SPHKAP: variants seen among roughly 807,000 people sequenced by gnomAD.
SPHKAP encodes A-kinase anchor protein SPHKAP.
SPHKAP carries 67 observed loss-of-function variants against 137.5 expected under a neutral mutation model. The observed-to-expected ratio is 0.49, with a 90% CI of 0.40 to 0.60. The LOEUF is 0.60. Ranked by LOEUF, SPHKAP falls within the 20% of genes least tolerant of loss-of-function variation. The pLI, the probability that SPHKAP is intolerant of heterozygous loss-of-function variation, is 0.00. For synonymous variants in SPHKAP, 813 were observed against 785.3 expected (o/e 1.04, Z -0.59); for missense variants, 2,097 against 2,069.3 (o/e 1.01, Z -0.26).
chr2:228,152,719 C>CT (rs36033637), intron 1 of SPHKAP, among the ~76,000 whole-genome samples: 46,417 of 144,606 alleles, frequency 0.32, 7,670 homozygotes, highest in East Asian at 0.5. Flanking sequence ...GTTATACCTT[C>CT]TTTTTTTTTT....
chr2:228,031,503 A>G (rs553337033), intron 3 of SPHKAP, among the ~76,000 whole-genome samples: 2 of 152,346 alleles, frequency 1.3e-5, no homozygotes, highest in East Asian at 3.9e-4. Context: ...CCTGTCTGAC[A>G]GCTTTGAAGA....
intron 3 of SPHKAP, among the ~76,000 whole-genome samples, chr2:228,030,682 CA>C (rs1216882958): frequency 2.0e-5 from 3 of 150,956 alleles, no homozygotes; most frequent in Non-Finnish European, 2.9e-5. Flanking sequence ...TAAAAACTGC[CA>C]GGAATATGAT....
intron 3 of SPHKAP, among the ~76,000 whole-genome samples, chr2:228,054,429 A>G (rs753201917): frequency 6.6e-6 from 1 of 152,160 alleles, no homozygotes; most frequent in African/African-American, 2.4e-5. Flanking sequence ...GCCAGGAGAA[A>G]GTGTAGAATG....
chr2:228,058,286 G>A (rs1696515064), intron 3 of SPHKAP, among the ~76,000 whole-genome samples: 1 of 152,100 alleles, frequency 6.6e-6, no homozygotes, highest in Non-Finnish European at 1.5e-5. Context: ...CATGCTAAAC[G>A]CTCATATGTA....
intron 3 of SPHKAP, among the ~76,000 whole-genome samples, chr2:228,030,513 C>CAAAAAAAAAAAAAAAAAAAACAAAAAAA (rs11287311): frequency 4.1e-5 from 2 of 48,774 alleles, no homozygotes; most frequent in South Asian, 7.2e-4. Context: ...GATACCATCT[C>CAAAAAAAAAAAAAAAAAAAACAAAAAAA]AAAAAAAAAA....
intron 1 of SPHKAP, chr2:228,169,946 C>T (rs916146641): frequency 1.3e-5 from 2 of 151,784 alleles, no homozygotes; most frequent in African/African-American, 4.8e-5. Flanking sequence ...GGAAATAATT[C>T]AGCATTCTAG....
chr2:227,991,082 G>A lies in SPHKAP; in HGVS notation c.4877C>T (p.Ala1626Val), dbSNP rs995852907. 1 of 1,614,116 alleles carries A rather than the reference G, an allele frequency of 6.2e-7. No homozygotes were observed. The highest frequency in any genetic ancestry group is 8.5e-7 in the Non-Finnish European group (1 of 1,180,012). The change falls in exon 11 of 12, where the codon GCC (alanine) becomes GTC (valine). Residue 1626 changes from alanine (A) to valine (V), a missense_variant. Ala to Val is a moderately conservative substitution (Grantham distance 64, BLOSUM62 0). Coordinates refer to ENST00000392056, the MANE Select transcript of SPHKAP (RefSeq NM_001142644.2). ...AGAGGCAGCTATCCACTGCAGAGTGGCTCGGAGCTCGGCATCTGGACACTC... is the reference window on the plus strand; with the variant it reads ...AGAGGCAGCTATCCACTGCAGAGTGACTCGGAGCTCGGCATCTGGACACTC... ...EPECPDAELR[A>V]TLQWIAASEL...
chr2:228,042,407 C>T (rs1478532861), intron 3 of SPHKAP, among the ~76,000 whole-genome samples: 2 of 152,056 alleles, frequency 1.3e-5, no homozygotes, highest in Non-Finnish European at 2.9e-5. Context: ...AATTTACATA[C>T]CATATGACGT....
chr2:227,998,110 A>C (rs1411247403), intron 7 of SPHKAP, among the ~76,000 whole-genome samples: 1 of 152,152 alleles, frequency 6.6e-6, no homozygotes, highest in Non-Finnish European at 1.5e-5. Flanking sequence ...AGATATAAGC[A>C]ACTCCCCTGC....
At chr2:228,030,528 A>C (rs1292846936) in intron 3 of SPHKAP, among the ~76,000 whole-genome samples, 70 of 71,204 alleles carry the variant, frequency 9.8e-4, no homozygotes, top group Non-Finnish European at 1.4e-3. Context: ...AAAAAAAAAA[A>C]AAAACAACAA....
At chr2:228,084,928 T>G (rs960985568) in intron 3 of SPHKAP, among the ~76,000 whole-genome samples, 2 of 152,224 alleles carry the variant, frequency 1.3e-5, no homozygotes, top group African/African-American at 4.8e-5. Context: ...GAATTTCCTT[T>G]GCTGTTACTG....
At position 228,017,461 on chromosome 2, in the gene SPHKAP, C is replaced by G; in HGVS notation, c.3393G>C (p.Arg1131Ser). ...CATTTTCCATCTGGTTCACCATGAA[C>G]CTGGAAAACTCATCGGTGATGCTCT... ...SCESITDEFS[R>S]FMVNQMENEG... is the part of the protein sequence containing the mutation. The change falls in exon 7 of 12, where the codon AGG (arginine) becomes AGC (serine). Residue 1131 changes from arginine to serine, a missense_variant. Transcript: ENST00000392056. The G allele has an allele frequency of 6.2e-7, 1 of 1,613,890 alleles. No homozygotes were observed. Among genetic ancestry groups the G allele is most frequent in the South Asian group, 1.1e-5 (1 of 91,072 alleles).
chr2:228,146,249 T>C (rs1199513879), intron 1 of SPHKAP, among the ~76,000 whole-genome samples: 1 of 152,148 alleles, frequency 6.6e-6, no homozygotes, highest in Admixed American at 6.6e-5. Flanking sequence ...TGAACACCCA[T>C]TGACACATCG....
chr2:227,990,894 A>G (rs1391411210), intron 11 of SPHKAP, 106 bp downstream of exon 11: 7 of 1,136,390 alleles, frequency 6.2e-6, no homozygotes, highest in Non-Finnish European at 8.8e-6. Context: ...AAGAACAGTC[A>G]GGATCAAATA....
intron 1 of SPHKAP, among the ~76,000 whole-genome samples, chr2:228,172,798 C>T (rs954678493): frequency 6.6e-6 from 1 of 152,196 alleles, no homozygotes; most frequent in Admixed American, 6.5e-5. Flanking sequence ...AACCTGAAAT[C>T]TGTTAGTCAC....
chr2:228,001,544 T>C (rs997717238), intron 7 of SPHKAP, among the ~76,000 whole-genome samples: 2 of 145,378 alleles, frequency 1.4e-5, no homozygotes, highest in African/African-American at 5.0e-5. Context: ...TATAAAAATA[T>C]ACATATATAT....
intron 1 of SPHKAP, chr2:228,132,475 T>A (rs1699284098): frequency 1.4e-6 from 1 of 694,792 alleles, no homozygotes; most frequent in Admixed American, 6.3e-5. Flanking sequence ...ATTCATTTTA[T>A]TTTTTAAAAT....
At chr2:228,030,513 C>CAAAAAAAAAAAAAAAAAAAAAACA (rs11287311) in intron 3 of SPHKAP, among the ~76,000 whole-genome samples, 2 of 48,776 alleles carry the variant, frequency 4.1e-5, no homozygotes, top group Admixed American at 2.6e-4. Context: ...GATACCATCT[C>CAAAAAAAAAAAAAAAAAAAAAACA]AAAAAAAAAA....
At chr2:228,016,079 T>C (rs1694576095) in intron 7 of SPHKAP, among the ~76,000 whole-genome samples, 1 of 152,178 alleles carries the variant, frequency 6.6e-6, no homozygotes, top group African/African-American at 2.4e-5. Flanking sequence ...TTTGGTTATA[T>C]AGATGAGTTT....
Sources: gnomAD v4.1 joint callset for allele counts (sites outside exome capture counted in the v4.1 genomes callset) on GRCh38, gnomAD v4.1.1 for gene constraint, MANE v1.5 for transcripts, NCBI Gene and HGNC (gene_info 2026-07-23, HGNC 2026-07-21) for gene names.